Variants in CTNNA2 observed in about 807,000 individuals in gnomAD.
The protein encoded by CTNNA2 is catenin alpha-2.
Under a neutral mutation model 101.0 loss-of-function variants are expected in CTNNA2, and 42 were observed. The observed-to-expected ratio is 0.42, with a 90% CI of 0.32 to 0.54. The LOEUF is 0.54. CTNNA2 is among the 20% of genes least tolerant of loss of function. The pLI, the probability that CTNNA2 is intolerant of heterozygous loss-of-function variation, is 0.14. For missense variants in CTNNA2, 871 were observed against 1,223.1 expected (o/e 0.71, Z 4.29); for synonymous variants, 450 against 456.4 (o/e 0.99, Z 0.18).
chr2:80,534,994 G>C (rs963713342), intron 9 of CTNNA2, among the ~76,000 whole-genome samples: 1 of 152,154 alleles, frequency 6.6e-6, no homozygotes. Flanking sequence ...AAAAATATTG[G>C]TTAGAAGTGT....
chr2:79,295,993 C>CCTCAA (rs1675971275), intron 2 of CTNNA2, among the ~76,000 whole-genome samples: 1 of 96,878 alleles, frequency 1.0e-5, no homozygotes. Flanking sequence ...AACAAAATTT[C>CCTCAA]CAAAGGCAGA....
intron 9 of CTNNA2, among the ~76,000 whole-genome samples, chr2:80,488,642 G>T (rs1289790517): frequency 6.6e-6 from 1 of 152,128 alleles, no homozygotes; most frequent in South Asian, 2.1e-4. Context: ...TTGTTATTCA[G>T]TTTCCATTCT....
intron 7 of CTNNA2, among the ~76,000 whole-genome samples, chr2:80,234,431 A>G (rs1334696983): frequency 5.3e-5 from 8 of 152,326 alleles, no homozygotes; most frequent in Middle Eastern, 3.4e-3. Flanking sequence ...GGCTTCTAGG[A>G]AAAGTGCTTT....
chr2:80,427,256 C>T (rs1332738849), intron 9 of CTNNA2, among the ~76,000 whole-genome samples: 1 of 152,136 alleles, frequency 6.6e-6, no homozygotes, highest in African/African-American at 2.4e-5. Flanking sequence ...AGTAAAGAGG[C>T]ATTGTACTTT....
Position 79,413,934 on chromosome 2 carries a change from CATATATATATATATAT to C in CTNNA2, c.-135+39945_-135+39960del, listed in dbSNP as rs70940033. On this transcript the variant is annotated intron_variant, in intron 4 of 21. Coordinates refer to the CTNNA2 transcript ENST00000466387. Reference sequence around the variant, plus strand: ...TGTTTTCTTACTATTGAGCTGAATTCATATATATATATATATATATATATATATATATATATATAAG... The same window carrying C: ...TGTTTTCTTACTATTGAGCTGAATTCATATATATATATATATATATATAAG... Among the ~76,000 whole-genome samples the C allele has an allele frequency of 2.8e-3, 388 of 140,294 alleles. 4 individuals are homozygous for C. Among genetic ancestry groups the C allele is most frequent in the South Asian group, 0.015 (68 of 4,454 alleles). 92.0% of individuals were successfully genotyped at this position (140,294 alleles called of 152,430 possible).
intron 9 of CTNNA2, among the ~76,000 whole-genome samples, chr2:80,455,186 AC>A (rs1208988600): frequency 1.3e-5 from 2 of 152,192 alleles, no homozygotes; most frequent in Admixed American, 1.3e-4. Context: ...GCCTTTTTGT[AC>A]CTATAAATGA....
At chr2:79,840,416 C>G (rs1296667042) in intron 3 of CTNNA2, among the ~76,000 whole-genome samples, 1 of 152,186 alleles carries the variant, frequency 6.6e-6, no homozygotes, top group Non-Finnish European at 1.5e-5. Context: ...TGCATTATTT[C>G]AATCATGCTA....
At chr2:80,129,588 A>T (rs1019166908) in intron 7 of CTNNA2, among the ~76,000 whole-genome samples, 1 of 152,104 alleles carries the variant, frequency 6.6e-6, no homozygotes, top group African/African-American at 2.4e-5. Flanking sequence ...GCAGTCACCA[A>T]TATTCTAGGC....
Position 79,858,090 on chromosome 2 carries a change from G to A in CTNNA2, c.376G>A (p.Ala126Thr). 6.2e-7 allele frequency: 1 copy of A among 1,614,160 alleles called. No individual in the cohort carries two copies. The highest frequency in any genetic ancestry group is 1.3e-5 in the African/African-American group (1 of 75,048). Residue 126 changes from alanine (A) to threonine (T), a missense_variant, in exon 4 of 19, where the codon GCG (alanine) becomes ACG (threonine). Coordinates refer to ENST00000402739, the MANE Select transcript of CTNNA2 (RefSeq NM_001282597.3). Reference protein sequence around the residue: ...SSVKRGTMVRAARALLSAVTR... With the variant: ...SSVKRGTMVRTARALLSAVTR... ...GGTAAAGCGCGGCACCATGGTACGG[G>A]CGGCAAGGGCTTTGCTCTCCGCGGT... is the stretch of plus-strand genomic sequence containing the variant.
intron 7 of CTNNA2, among the ~76,000 whole-genome samples, chr2:80,247,498 C>T (rs1272522106): frequency 6.6e-6 from 1 of 152,214 alleles, no homozygotes; most frequent in African/African-American, 2.4e-5. Flanking sequence ...CCACCACTTA[C>T]AGACCTTAAA....
chr2:79,235,282 C>T (rs1055170117), intron 2 of CTNNA2, among the ~76,000 whole-genome samples: 9 of 152,162 alleles, frequency 5.9e-5, no homozygotes, highest in African/African-American at 2.2e-4. Context: ...TTCCCAGGCA[C>T]TGTATACTGG....
At chr2:79,207,208 C>G (rs1674110986) in intron 2 of CTNNA2, among the ~76,000 whole-genome samples, 1 of 152,110 alleles carries the variant, frequency 6.6e-6, no homozygotes, top group African/African-American at 2.4e-5. Context: ...CCACTTTTGT[C>G]CTGGGAGTAT....
intron 3 of CTNNA2, among the ~76,000 whole-genome samples, chr2:79,820,778 T>G (rs991416844): frequency 3.9e-5 from 6 of 152,174 alleles, no homozygotes; most frequent in Non-Finnish European, 7.4e-5. Context: ...TGCTTGGAAA[T>G]ATTGATGCTT....
At chr2:79,629,862 G>A (rs1679572099) in intron 1 of CTNNA2, among the ~76,000 whole-genome samples, 1 of 152,100 alleles carries the variant, frequency 6.6e-6, no homozygotes, top group Non-Finnish European at 1.5e-5. Flanking sequence ...TCCAGAGCTA[G>A]CAGATTCCCA....
chr2:79,982,243 T>A (rs1691364113), intron 7 of CTNNA2, among the ~76,000 whole-genome samples: 1 of 81,096 alleles, frequency 1.2e-5, no homozygotes, highest in Admixed American at 1.3e-4. Context: ...TATATATATG[T>A]ATGTATATGT....
intron 7 of CTNNA2, among the ~76,000 whole-genome samples, chr2:80,306,796 G>GA (rs35209888): frequency 0.16 from 23,896 of 147,424 alleles, 2,234 homozygotes; most frequent in African/African-American, 0.26. Context: ...GGGTTGCTAG[G>GA]AAAAAAAAAA....
chr2:79,796,351 C>T (rs1247075115), intron 3 of CTNNA2, among the ~76,000 whole-genome samples: 1 of 149,334 alleles, frequency 6.7e-6, no homozygotes, highest in Non-Finnish European at 1.5e-5. Flanking sequence ...GCCGCGATTG[C>T]GCCGCTGCAT....
intron 4 of CTNNA2, among the ~76,000 whole-genome samples, chr2:79,488,620 G>A (rs184638002): frequency 6.6e-6 from 1 of 152,300 alleles, no homozygotes; most frequent in African/African-American, 2.4e-5. Flanking sequence ...GTTCATCTGT[G>A]ACATTGACTT....
rs2117304 is a variant in CTNNA2, at chr2:79,260,926, G to A, written c.-405-51783G>A. Among the ~76,000 whole-genome samples the A allele has an allele frequency of 1.1e-3, 174 of 152,126 alleles. 4 individuals carry two copies. The East Asian group carries it at 0.028, about 24-fold the overall frequency. On this transcript the variant is annotated intron_variant, in intron 2 of 21. Coordinates refer to the CTNNA2 transcript ENST00000466387. ...ATATAGGCCTAATTCATCCTCCCCC[G>A]CAATTCCTTGTAATGCCTATAAGGA...
Sources: gnomAD v4.1 joint callset for allele counts (sites outside exome capture counted in the v4.1 genomes callset) on GRCh38, gnomAD v4.1.1 for gene constraint, MANE v1.5 for transcripts, NCBI Gene and HGNC (gene_info 2026-07-23, HGNC 2026-07-21) for gene names.